The following SNX29 variants were observed in gnomAD, a reference collection of about 807,000 sequenced individuals.
SNX29 encodes the protein sorting nexin-29.
Under a neutral mutation model 102.1 loss-of-function variants are expected in SNX29, and 78 were observed. The observed-to-expected ratio is 0.76, with a 90% confidence interval of 0.64 to 0.92. The LOEUF (loss-of-function observed/expected upper bound fraction) is 0.92. Among genes scored for constraint, SNX29 ranks in the 40% least tolerant of loss-of-function variants. SNX29 has a pLI of 0.00. For synonymous variants in SNX29, 580 were observed against 414.5 expected, an observed-to-expected ratio of 1.40 and a Z score of -4.85; for missense variants, 1,280 against 1,061.7, an observed-to-expected ratio of 1.21 and a Z score of -2.86.
At chr16:12,118,818 C>G (rs2053853701) in intron 11 of SNX29, among the ~76,000 whole-genome samples, 1 of 152,132 alleles carries the variant, frequency 6.6e-6, no homozygotes, top group Non-Finnish European at 1.5e-5. Flanking sequence ...GATTTAGTCA[C>G]TTCGAGGCTG....
intron 18 of SNX29, among the ~76,000 whole-genome samples, chr16:12,468,923 C>G (rs79067762): frequency 6.6e-6 from 1 of 152,164 alleles, no homozygotes; most frequent in East Asian, 1.9e-4. Flanking sequence ...TCCGGCCATG[C>G]CAGTTTCAGA....
chr16:12,016,568 C>T (rs2056855326), intron 3 of SNX29, among the ~76,000 whole-genome samples: 1 of 152,094 alleles, frequency 6.6e-6, no homozygotes, highest in Non-Finnish European at 1.5e-5. Context: ...TCTCTGTGTC[C>T]TTGCTAGCAT....
chr16:12,558,492 C>G (rs969667691), intron 20 of SNX29, among the ~76,000 whole-genome samples: 2 of 152,200 alleles, frequency 1.3e-5, no homozygotes, highest in South Asian at 2.1e-4. Context: ...CACAGTGCAT[C>G]TTTAGTTTTT....
chr16:12,399,173 T>A (rs2083840959), intron 17 of SNX29, among the ~76,000 whole-genome samples: 1 of 152,238 alleles, frequency 6.6e-6, no homozygotes, highest in South Asian at 2.1e-4. Flanking sequence ...GCCTCAGCCT[T>A]CCAAGTAGCT....
intron 19 of SNX29, among the ~76,000 whole-genome samples, chr16:12,521,260 A>C (rs1158001849): frequency 1.3e-5 from 2 of 152,166 alleles, no homozygotes; most frequent in East Asian, 1.9e-4. Context: ...TTATTGAAAG[A>C]AATCAGATTT....
intron 13 of SNX29, among the ~76,000 whole-genome samples, chr16:12,147,780 A>G (rs1403524771): frequency 1.3e-5 from 2 of 152,200 alleles, no homozygotes; most frequent in East Asian, 1.9e-4. Flanking sequence ...CAAGGTGGCA[A>G]TTTCCATGTC....
At chr16:12,235,378 A>G (rs548000287) in intron 14 of SNX29, among the ~76,000 whole-genome samples, 2 of 152,250 alleles carry the variant, frequency 1.3e-5, no homozygotes, top group South Asian at 4.1e-4. Context: ...GGCCTGCGGT[A>G]CTTAATTTGA....
At chr16:12,293,387 T>C (rs1215866488) in intron 15 of SNX29, among the ~76,000 whole-genome samples, 1 of 152,246 alleles carries the variant, frequency 6.6e-6, no homozygotes, top group African/African-American at 2.4e-5. Flanking sequence ...CCAGTTCTGA[T>C]AACAGCAGTG....
intron 16 of SNX29, among the ~76,000 whole-genome samples, chr16:12,358,596 C>G (rs1278229810): frequency 6.6e-6 from 1 of 152,100 alleles, no homozygotes; most frequent in African/African-American, 2.4e-5. Flanking sequence ...AAGAAATTGA[C>G]CCCTATTGTC....
chr16:12,188,177 G>T (rs571871094), intron 13 of SNX29, among the ~76,000 whole-genome samples: 1 of 152,098 alleles, frequency 6.6e-6, no homozygotes, highest in African/African-American at 2.4e-5. Flanking sequence ...ATTACTAACC[G>T]CTAACATTTA....
In SNX29 at chr16:12,048,473, C is replaced by T. The variant is rs1447800085; in HGVS notation, c.601C>T (p.Gln201Ter). The T allele has an allele frequency of 2.0e-5, 33 of 1,613,800 alleles. No homozygotes were observed. The highest frequency in any genetic ancestry group is 2.8e-5 in the Non-Finnish European group (33 of 1,179,868). Residue 201 changes from glutamine (Q) to a stop codon, truncating the protein, a stop_gained, in exon 7 of 21, where the codon CAG becomes TAG. Coordinates refer to ENST00000566228, the MANE Select transcript of SNX29 (RefSeq NM_032167.5). LOFTEE classifies it high-confidence loss of function. Reference sequence around the variant, plus strand: ...TTCAGACCTCTTAAAGGAGTCAACGCAGAACGTGACCTCCTTGCTGAAGGA... The same window carrying T: ...TTCAGACCTCTTAAAGGAGTCAACGTAGAACGTGACCTCCTTGCTGAAGGA... The part of the protein sequence containing the change: ...TVSDLLKEST[Q>*]NVTSLLKEST...
At chr16:12,130,195 A>AC (rs1329413200) in intron 13 of SNX29, among the ~76,000 whole-genome samples, 5 of 149,914 alleles carry the variant, frequency 3.3e-5, no homozygotes, top group Non-Finnish European at 5.9e-5. Flanking sequence ...AAAAAAAAAA[A>AC]GCCGGGCATG....
At chr16:12,413,209 A>C (rs1597292302) in intron 18 of SNX29, among the ~76,000 whole-genome samples, 1 of 152,178 alleles carries the variant, frequency 6.6e-6, no homozygotes, top group Admixed American at 6.5e-5. Context: ...AATGTGAAAT[A>C]ATCATTACAA....
chr16:12,412,335 C>G (rs1190745750), intron 18 of SNX29, among the ~76,000 whole-genome samples: 1 of 152,228 alleles, frequency 6.6e-6, no homozygotes, highest in African/African-American at 2.4e-5. Context: ...CTCCACGTTG[C>G]TCCTCACCCA....
intron 19 of SNX29, among the ~76,000 whole-genome samples, chr16:12,497,002 A>G (rs184264420): frequency 3.2e-4 from 48 of 152,284 alleles, no homozygotes; most frequent in African/African-American, 1.1e-3. Context: ...GGGTCCGGAG[A>G]TGAGTGTGGC....
chr16:12,122,743 A>G (rs1266281093), intron 11 of SNX29, among the ~76,000 whole-genome samples: 1 of 152,176 alleles, frequency 6.6e-6, no homozygotes, highest in East Asian at 1.9e-4. Context: ...AACCCTCGGC[A>G]TAGATATAGC....
At chr16:12,125,565 A>AT (rs951729633) in intron 11 of SNX29, among the ~76,000 whole-genome samples, 1 of 126,146 alleles carries the variant, frequency 7.9e-6, no homozygotes, top group Non-Finnish European at 1.6e-5. Flanking sequence ...CTATGCAGTG[A>AT]TTTGGGCTCC....
intron 3 of SNX29, among the ~76,000 whole-genome samples, chr16:12,023,881 C>T (rs2151103856): frequency 6.6e-6 from 1 of 152,284 alleles, no homozygotes; most frequent in South Asian, 2.1e-4. Context: ...ACGAAATCTC[C>T]TGAGATGCAT....
chr16:12,249,921 G>A (rs1292502708), intron 14 of SNX29, among the ~76,000 whole-genome samples: 1 of 152,204 alleles, frequency 6.6e-6, no homozygotes, highest in South Asian at 2.1e-4. Flanking sequence ...CCAGCCCTCT[G>A]CTAGGTTCTG....
Sources: gnomAD v4.1 joint callset for allele counts (sites outside exome capture counted in the v4.1 genomes callset) on GRCh38, gnomAD v4.1.1 for gene constraint, MANE v1.5 for transcripts, NCBI Gene and HGNC (gene_info 2026-07-23, HGNC 2026-07-21) for gene names.